DLG1: variants seen among roughly 807,000 people sequenced by gnomAD.
DLG1 encodes disks large homolog 1.
In DLG1, 42 loss-of-function variants were observed where a neutral mutation model predicts 123.4. That is an observed-to-expected ratio of 0.34 (90% CI 0.27 to 0.44). The LOEUF is 0.44. Ranked by LOEUF, DLG1 falls within the 20% of genes least tolerant of loss-of-function variation. DLG1 has a pLI of 1.00. For synonymous variants in DLG1, 317 were observed against 356.2 expected, an observed-to-expected ratio of 0.89 and a Z score of 1.24; for missense variants, 942 against 1,082.6, an observed-to-expected ratio of 0.87 and a Z score of 1.82.
intron 4 of DLG1, among the ~76,000 whole-genome samples, chr3:197,271,348 G>C (rs1453521075): frequency 6.6e-6 from 1 of 152,192 alleles, no homozygotes; most frequent in African/African-American, 2.4e-5. Context: ...GCTTCTCAGG[G>C]ATGCAATACC....
intron 19 of DLG1, chr3:197,068,465 TG>T: frequency 7.1e-7 from 1 of 1,417,900 alleles, no homozygotes; most frequent in Admixed American, 1.7e-5. Flanking sequence ...ACTGTCAACA[TG>T]AAAAAGTATT....
intron 4 of DLG1, among the ~76,000 whole-genome samples, chr3:197,248,985 A>C (rs1753104880): frequency 6.6e-6 from 1 of 152,214 alleles, no homozygotes; most frequent in African/African-American, 2.4e-5. Flanking sequence ...ATGTCTCAAA[A>C]AATAAAAAAA....
At chr3:197,089,520 CT>C (rs1756466856) in intron 15 of DLG1, among the ~76,000 whole-genome samples, 1 of 146,750 alleles carries the variant, frequency 6.8e-6, no homozygotes, top group African/African-American at 2.6e-5. Flanking sequence ...AAGTGAGACC[CT>C]GTCTTTAAAA....
At chr3:197,158,633 T>TGAAAAA (rs1286218729) in intron 5 of DLG1, among the ~76,000 whole-genome samples, 1 of 17,540 alleles carries the variant, frequency 5.7e-5, no homozygotes, top group Non-Finnish European at 1.2e-4. Flanking sequence ...AAACTCCATT[T>TGAAAAA]CAAAAAAAAA....
At chr3:197,278,333 G>A (rs912116260) in intron 4 of DLG1, among the ~76,000 whole-genome samples, 2 of 148,412 alleles carry the variant, frequency 1.3e-5, no homozygotes, top group African/African-American at 5.0e-5. Flanking sequence ...AGCTGGGTGT[G>A]GTGGTGCACA....
rs141170750 is a variant in DLG1, at chr3:197,202,161, T to C, written c.319-7572A>G. On this transcript the variant is annotated intron_variant, in intron 4 of 24. Transcript: ENST00000667157. The stretch of plus-strand genomic sequence containing the variant: ...ATTATATACAAATAAAACAAATGCA[T>C]GAAAACCATAACAAATGTAAGATGA... 9.8e-3 allele frequency among the ~76,000 whole-genome samples: 1,491 copies of C among 152,212 alleles called. 19 individuals carry two copies. The highest frequency in any genetic ancestry group is 0.023 in the African/African-American group (966 of 41,536).
intron 5 of DLG1, among the ~76,000 whole-genome samples, chr3:197,189,969 C>T (rs1286913883): frequency 2.6e-5 from 4 of 152,158 alleles, no homozygotes; most frequent in Admixed American, 2.6e-4. Flanking sequence ...TCCTTTAAGC[C>T]TCTATAAAAT....
At chr3:197,190,966 C>T (rs911480393) in intron 5 of DLG1, among the ~76,000 whole-genome samples, 5 of 152,052 alleles carry the variant, frequency 3.3e-5, no homozygotes, top group Admixed American at 1.3e-4. Context: ...GCCGAGATCG[C>T]GCCACTGCAC....
chr3:197,130,135 C>A (rs754611875), intron 11 of DLG1, among the ~76,000 whole-genome samples: 11 of 151,962 alleles, frequency 7.2e-5, no homozygotes, highest in Admixed American at 2.6e-4. Flanking sequence ...TAAAGCAAAG[C>A]CCAATAAAAT....
intron 5 of DLG1, among the ~76,000 whole-genome samples, chr3:197,170,045 G>A (rs1008365535): frequency 2.5e-4 from 38 of 152,094 alleles, no homozygotes; most frequent in Non-Finnish European, 4.0e-4. Flanking sequence ...GTTTGCTAAC[G>A]ATGACGCCCT....
Position 197,287,639 on chromosome 3 carries a change from G to C in DLG1, c.152-4794C>G, listed in dbSNP as rs1395050610. On this transcript the variant is annotated intron_variant, in intron 3 of 24. Transcript: ENST00000667157. ...CTCTAAGAAAAAGGAAAAAGGAGGA[G>C]GAAGGGGCACAAATTAAACAGATAA... 2.0e-5 allele frequency among the ~76,000 whole-genome samples: 3 copies of C among 151,940 alleles called. No homozygotes were observed. In the East Asian group the frequency reaches 5.8e-4, roughly 29 times the overall value.
chr3:197,244,252 G>A (rs1750451415), intron 4 of DLG1, among the ~76,000 whole-genome samples: 1 of 152,236 alleles, frequency 6.6e-6, no homozygotes, highest in Non-Finnish European at 1.5e-5. Flanking sequence ...CAGAGAGGGA[G>A]CTTGGCATAA....
intron 14 of DLG1, among the ~76,000 whole-genome samples, chr3:197,095,242 T>A (rs1249412437): frequency 6.6e-6 from 1 of 152,232 alleles, no homozygotes; most frequent in Non-Finnish European, 1.5e-5. Flanking sequence ...GATATTTTCC[T>A]ATATAACTAC....
At chr3:197,230,205 T>C (rs1303887072) in intron 4 of DLG1, among the ~76,000 whole-genome samples, 1 of 152,220 alleles carries the variant, frequency 6.6e-6, no homozygotes, top group Non-Finnish European at 1.5e-5. Context: ...CTGAGATTAA[T>C]GTTATCAAAA....
chr3:197,161,103 G>C (rs1798591583), intron 5 of DLG1, among the ~76,000 whole-genome samples: 1 of 152,116 alleles, frequency 6.6e-6, no homozygotes, highest in African/African-American at 2.4e-5. Context: ...TTTTACAACA[G>C]ATTTACAGAA....
intron 4 of DLG1, among the ~76,000 whole-genome samples, chr3:197,232,273 G>T (rs1433117641): frequency 6.6e-6 from 1 of 151,594 alleles, no homozygotes; most frequent in Non-Finnish European, 1.5e-5. Context: ...GGCTGAGGGG[G>T]GAAGACAACT....
chr3:197,252,651 G>C (rs919133616), intron 4 of DLG1, among the ~76,000 whole-genome samples: 1 of 152,176 alleles, frequency 6.6e-6, no homozygotes, highest in Non-Finnish European at 1.5e-5. Flanking sequence ...GATGAAAAGA[G>C]TCTGTAGATG....
intron 5 of DLG1, among the ~76,000 whole-genome samples, chr3:197,164,730 C>T (rs1241592237): frequency 3.5e-5 from 5 of 141,666 alleles, no homozygotes; most frequent in Admixed American, 2.2e-4. Context: ...GGCAAAACCC[C>T]GTCTCTACTA....
At chr3:197,128,846 T>C (rs1363016208) in intron 11 of DLG1, among the ~76,000 whole-genome samples, 2 of 152,186 alleles carry the variant, frequency 1.3e-5, no homozygotes, top group African/African-American at 4.8e-5. Flanking sequence ...TGTTTTTTTT[T>C]TGTTTTTTTC....
Sources: allele counts gnomAD v4.1 joint callset (sites outside exome capture counted in the v4.1 genomes callset), GRCh38; gene constraint gnomAD v4.1.1; transcripts MANE v1.5; gene names NCBI Gene and HGNC (gene_info 2026-07-23, HGNC 2026-07-21).